Variants in SAMD5 observed in about 807,000 individuals in gnomAD.
SAMD5 encodes the protein sterile alpha motif domain-containing protein 5.
A neutral mutation model predicts 11.3 loss-of-function variants in SAMD5; 13 were observed. The observed-to-expected ratio is 1.15, with a 90% CI of 0.75 to 1.83. The LOEUF (loss-of-function observed/expected upper bound fraction) is 1.83, where lower values mean the gene tolerates loss of function less well. Among genes scored for constraint, SAMD5 ranks in the 40% most tolerant of loss-of-function variants. SAMD5 has a pLI of 0.00. For missense variants in SAMD5, 255 were observed against 239.1 expected (o/e 1.07, Z -0.44); for synonymous variants, 129 against 111.3 (o/e 1.16, Z -1.00).
the SAMD5 span, among the ~76,000 whole-genome samples, chr6:147,930,901 G>A: frequency 1.3e-5 from 2 of 152,150 alleles, no homozygotes; most frequent in Non-Finnish European, 2.9e-5. Context: ...GCTCGCCCAC[G>A]CTGAGGGCAG....
chr6:147,715,674 G>A (rs1322935720), intron 1 of SAMD5, among the ~76,000 whole-genome samples: 4 of 152,166 alleles, frequency 2.6e-5, no homozygotes, highest in East Asian at 1.9e-4. Flanking sequence ...CTCGTCCTGC[G>A]TCCAGGAAGA....
chr6:147,941,979 T>C, the SAMD5 span, among the ~76,000 whole-genome samples: 2 of 152,182 alleles, frequency 1.3e-5, no homozygotes. Flanking sequence ...ATTCAAGCGA[T>C]TCTCCTGCCT....
At chr6:147,713,072 A>C (rs73787383) in intron 1 of SAMD5, among the ~76,000 whole-genome samples, 2,845 of 152,256 alleles carry the variant, frequency 0.019, 87 homozygotes, top group African/African-American at 0.066. Context: ...GATGTCAAGC[A>C]TGTTGCTACT....
At chr6:147,678,690 A>G (rs1327493056) in intron 1 of SAMD5, among the ~76,000 whole-genome samples, 2 of 152,346 alleles carry the variant, frequency 1.3e-5, no homozygotes, top group East Asian at 1.9e-4. Flanking sequence ...GAAATAAGCC[A>G]TAAAAGAACG....
At chr6:147,755,302 T>C in the SAMD5 span, among the ~76,000 whole-genome samples, 7 of 152,136 alleles carry the variant, frequency 4.6e-5, no homozygotes, top group African/African-American at 1.7e-4. Context: ...TTCTAGGTAT[T>C]TAATTTTATG....
At chr6:147,800,562 G>A in the SAMD5 span, among the ~76,000 whole-genome samples, 1 of 152,248 alleles carries the variant, frequency 6.6e-6, no homozygotes, top group Non-Finnish European at 1.5e-5. Context: ...GCCTACAGAG[G>A]CAGGCAGGCC....
intron 1 of SAMD5, among the ~76,000 whole-genome samples, chr6:147,621,770 A>G (rs1288140742): frequency 6.6e-6 from 1 of 152,136 alleles, no homozygotes; most frequent in Non-Finnish European, 1.5e-5. Context: ...GGGCCATGGC[A>G]GGCATTTTTG....
At chr6:147,913,148 G>A in the SAMD5 span, among the ~76,000 whole-genome samples, 1 of 149,772 alleles carries the variant, frequency 6.7e-6, no homozygotes, top group Non-Finnish European at 1.5e-5. Context: ...GAAAATGAAA[G>A]CAAATTGAAA....
At chr6:147,752,174 C>T in the SAMD5 span, among the ~76,000 whole-genome samples, 3 of 152,108 alleles carry the variant, frequency 2.0e-5, no homozygotes, top group Admixed American at 6.5e-5. Context: ...TTCTTGAAGT[C>T]TGAATTTATA....
At chr6:147,636,034 T>C (rs1301191862) in intron 1 of SAMD5, among the ~76,000 whole-genome samples, 1 of 152,218 alleles carries the variant, frequency 6.6e-6, no homozygotes, top group Non-Finnish European at 1.5e-5. Context: ...ACTGATTTGA[T>C]TCTGTACCAT....
chr6:147,509,000 T>A lies in SAMD5; in HGVS notation c.72T>A (p.Asp24Glu), dbSNP rs1416017158. The change falls in exon 1 of 2, where the codon GAT becomes GAA. Residue 24 changes from aspartate (D) to glutamate (E), a missense_variant. Asp to Glu is a conservative substitution (Grantham distance 45, BLOSUM62 2). Transcript: ENST00000367474. ...CGCAGTACGCGGAGTCCTTCGTGGA[T>A]AACGGCTACGATGACCTGGAGGTGT... is the stretch of plus-strand genomic sequence containing the variant. ...QLPQYAESFV[D>E]NGYDDLEVCK... is the part of the protein sequence containing the mutation. 1.2e-6 allele frequency: 2 copies of A among 1,603,954 alleles called. No homozygotes were observed. The highest frequency in any genetic ancestry group is 1.7e-6 in the Non-Finnish European group (2 of 1,175,878).
At chr6:147,908,345 T>TG in the SAMD5 span, among the ~76,000 whole-genome samples, 10 of 151,884 alleles carry the variant, frequency 6.6e-5, no homozygotes, top group Non-Finnish European at 1.5e-4. Context: ...TGCAAAGATG[T>TG]TTGTGTGTGG....
the SAMD5 span, among the ~76,000 whole-genome samples, chr6:147,855,825 T>C: frequency 6.6e-6 from 1 of 152,110 alleles, no homozygotes; most frequent in Non-Finnish European, 1.5e-5. Flanking sequence ...AAGACACAAA[T>C]AGATTCAATG....
chr6:147,789,217 G>A, the SAMD5 span, among the ~76,000 whole-genome samples: 10 of 151,506 alleles, frequency 6.6e-5, no homozygotes, highest in African/African-American at 2.4e-4. Flanking sequence ...CTGTGAGCAA[G>A]GATGATGCCA....
At chr6:147,821,098 A>G in the SAMD5 span, among the ~76,000 whole-genome samples, 1 of 152,232 alleles carries the variant, frequency 6.6e-6, no homozygotes, top group Non-Finnish European at 1.5e-5. Context: ...CATTTTTATT[A>G]AAGAACGAAT....
intron 1 of SAMD5, among the ~76,000 whole-genome samples, chr6:147,543,294 A>G (rs545151942): frequency 6.6e-6 from 1 of 152,344 alleles, no homozygotes; most frequent in East Asian, 1.9e-4. Context: ...ATACCTAGAA[A>G]CAACTTTGCA....
At chr6:147,636,823 T>C (rs962123795) in intron 1 of SAMD5, among the ~76,000 whole-genome samples, 1 of 152,238 alleles carries the variant, frequency 6.6e-6, no homozygotes, top group Admixed American at 6.5e-5. Flanking sequence ...GAGACCCAGC[T>C]AGCTGTCAAC....
intron 1 of SAMD5, among the ~76,000 whole-genome samples, chr6:147,679,408 G>A (rs1348309506): frequency 6.6e-6 from 1 of 152,030 alleles, no homozygotes; most frequent in East Asian, 1.9e-4. Context: ...AATGATGTCA[G>A]GCATCTCTTC....
At chr6:147,541,053 G>A (rs925795853) in intron 1 of SAMD5, among the ~76,000 whole-genome samples, 2 of 146,666 alleles carry the variant, frequency 1.4e-5, no homozygotes, top group East Asian at 2.1e-4. Context: ...GGGTTCAAGC[G>A]ATTCTCCTGC....
Sources: gnomAD v4.1 joint callset for allele counts (sites outside exome capture counted in the v4.1 genomes callset) on GRCh38, gnomAD v4.1.1 for gene constraint, MANE v1.5 for transcripts, NCBI Gene and HGNC (gene_info 2026-07-23, HGNC 2026-07-21) for gene names.